The following ANKRD11 variants were observed in gnomAD, a reference collection of about 807,000 sequenced individuals.
The protein encoded by ANKRD11 is ankyrin repeat domain-containing protein 11.
A neutral mutation model predicts 195.7 loss-of-function variants in ANKRD11; 17 were observed. The observed-to-expected ratio is 0.09, with a 90% confidence interval of 0.06 to 0.13. The LOEUF (loss-of-function observed/expected upper bound fraction) is 0.13. Ranked by LOEUF, ANKRD11 falls within the 10% of genes least tolerant of loss-of-function variation. The pLI, the probability that ANKRD11 is intolerant of heterozygous loss-of-function variation, is 1.00. For synonymous variants in ANKRD11, 1,953 were observed against 1,528.1 expected, an observed-to-expected ratio of 1.28 and a Z score of -6.49; for missense variants, 3,735 against 3,566.1, an observed-to-expected ratio of 1.05 and a Z score of -1.21.
rs563502025 is a variant in ANKRD11, at chr16:89,372,109, G to C, written c.-60+46175C>G. Among the ~76,000 whole-genome samples, 3 of 152,338 alleles carry C rather than the reference G, an allele frequency of 2.0e-5. No individual in the cohort carries two copies. The East Asian group carries it at 5.8e-4, about 29-fold the overall frequency. On this transcript the variant is annotated intron_variant, in intron 2 of 12. Coordinates refer to ENST00000301030, the MANE Select transcript of ANKRD11 (RefSeq NM_013275.6). ...CAAGGACCACCACGGCGGGCACCCG[G>C]CCCTCGCATGCACACACGGGCAACT...
At chr16:89,453,199 A>G (rs2056273961) in intron 1 of ANKRD11, among the ~76,000 whole-genome samples, 2 of 152,156 alleles carry the variant, frequency 1.3e-5, no homozygotes, top group African/African-American at 4.8e-5. Flanking sequence ...CCTGCCCTTC[A>G]GGGATTAAGT....
intron 1 of ANKRD11, among the ~76,000 whole-genome samples, chr16:89,477,261 C>G (rs2057292502): frequency 6.6e-6 from 1 of 150,636 alleles, no homozygotes; most frequent in Non-Finnish European, 1.5e-5. Flanking sequence ...GGCGCCATCT[C>G]GGCTCACTGC....
At chr16:89,420,356 G>C (rs1204108162) in intron 1 of ANKRD11, 1 of 152,138 alleles carries the variant, frequency 6.6e-6, no homozygotes, top group Non-Finnish European at 1.5e-5. Context: ...GAGCAGCGTC[G>C]GTCTTCTAGA....
intron 1 of ANKRD11, among the ~76,000 whole-genome samples, chr16:89,480,291 A>G (rs538210265): frequency 6.6e-6 from 1 of 151,842 alleles, no homozygotes; most frequent in South Asian, 2.1e-4. Context: ...TCTGGCTAAC[A>G]TGGCGAAACC....
At chr16:89,325,779 A>G (rs78964135) in intron 2 of ANKRD11, among the ~76,000 whole-genome samples, 156 of 152,262 alleles carry the variant, frequency 1.0e-3, no homozygotes, top group African/African-American at 3.7e-3. Flanking sequence ...AGGCCACACT[A>G]TGTCCTTGCA....
intron 1 of ANKRD11, among the ~76,000 whole-genome samples, chr16:89,467,733 G>A (rs952480339): frequency 2.0e-5 from 3 of 152,120 alleles, no homozygotes; most frequent in African/African-American, 7.2e-5. Flanking sequence ...TCAAGATACC[G>A]TAAGACATAC....
intron 9 of ANKRD11, chr16:89,277,678 G>C (rs975342770): frequency 1.3e-5 from 2 of 152,306 alleles, no homozygotes; most frequent in Non-Finnish European, 2.9e-5. Flanking sequence ...GCGGGGAAGG[G>C]AAAGACCGCA....
chr16:89,411,362 G>T (rs1351330702), intron 2 of ANKRD11, among the ~76,000 whole-genome samples: 1 of 152,262 alleles, frequency 6.6e-6, no homozygotes, highest in Non-Finnish European at 1.5e-5. Flanking sequence ...AAGAGGAGCA[G>T]GCTGCCCTGG....
chr16:89,480,642 T>C (rs1488077890), intron 1 of ANKRD11, among the ~76,000 whole-genome samples: 1 of 152,154 alleles, frequency 6.6e-6, no homozygotes, highest in Non-Finnish European at 1.5e-5. Flanking sequence ...CTTCTTTCTA[T>C]ACTCCTTCTA....
rs760682389 is a variant in ANKRD11, at chr16:89,285,102, C to T, written c.1440G>A (p.Glu480=). Residue 480 remains glutamate, a synonymous_variant, in exon 9 of 13, where the codon GAG becomes GAA. Transcript: ENST00000301030. The surrounding 1 kb of genome is among the most constrained non-coding windows in gnomAD (Gnocchi z 5.6). ...GKRSDKFCSS[E]SESESSESGE... ...CACTCTCTGAGGACTCGCTCTCCGA[C>T]TCCGAGGAGCAGAACTTGTCGCTCC... 158 of 1,613,680 alleles carry T rather than the reference C, an allele frequency of 9.8e-5. 2 individuals are homozygous for T. The South Asian group carries it at 1.7e-3, about 17-fold the overall frequency.
At chr16:89,482,596 T>G (rs997850242) in intron 1 of ANKRD11, among the ~76,000 whole-genome samples, 1 of 152,178 alleles carries the variant, frequency 6.6e-6, no homozygotes, top group Non-Finnish European at 1.5e-5. Context: ...CTCGCAGTGC[T>G]CGGGTGGGCC....
At chr16:89,393,013 T>C (rs1158408062) in intron 2 of ANKRD11, among the ~76,000 whole-genome samples, 2 of 151,964 alleles carry the variant, frequency 1.3e-5, no homozygotes, top group East Asian at 3.9e-4. Context: ...TTTCTTCACA[T>C]TCTACTTCTT....
chr16:89,300,269 A>T, intron 4 of ANKRD11: 1 of 228,956 alleles, frequency 4.4e-6, no homozygotes, highest in Non-Finnish European at 8.9e-6. Flanking sequence ...GGTCTGCTAC[A>T]CGCTTGGTGA....
intron 1 of ANKRD11, among the ~76,000 whole-genome samples, chr16:89,453,596 C>T (rs752036124): frequency 6.6e-6 from 1 of 152,058 alleles, no homozygotes; most frequent in Non-Finnish European, 1.5e-5. Context: ...GTGTGGCTAA[C>T]AGAAAGGAGG....
Position 89,281,375 on chromosome 16 carries a change from T to C in ANKRD11, c.5167A>G (p.Arg1723Gly), listed in dbSNP as rs200482809. 6.2e-7 allele frequency: 1 copy of C among 1,609,752 alleles called. No individual in the cohort carries two copies. Among genetic ancestry groups the C allele is most frequent in the East Asian group, 2.2e-5 (1 of 44,774 alleles). Residue 1723 changes from arginine to glycine, a missense_variant, in exon 9 of 13, where the codon AGG (arginine) becomes GGG (glycine). Physicochemically the swap from Arg to Gly is moderately radical, Grantham distance 125. Coordinates refer to ENST00000301030, the MANE Select transcript of ANKRD11 (RefSeq NM_013275.6). This position sits in a 1 kb window ranked among gnomAD's most constrained non-coding sequence, Gnocchi z 5.5. ...TCATCGGCGCTGCAGGACGGGGTCC[T>C]GGGCGTGTGCATCACCTCCTCGTAG... ...PSYEEVMHTP[R>G]TPSCSADDYA...
intron 1 of ANKRD11, chr16:89,431,336 G>A (rs1201144507): frequency 6.5e-6 from 1 of 152,898 alleles, no homozygotes; most frequent in Non-Finnish European, 1.5e-5. Flanking sequence ...GCTGGAGAGA[G>A]AGCGAGCTGG....
At position 89,305,662 on chromosome 16, in the gene ANKRD11, CGCTA is replaced by C. The variant is rs1567615099; in HGVS notation, c.88-322_88-319del. On this transcript the variant is annotated intron_variant, in intron 3 of 12. Transcript: ENST00000301030. ...CGCTACCTCTCACTCCGCAGACACG[CGCTA>C]CCTCCCACTCCGCAGACACGCGCCA... Among the ~76,000 whole-genome samples the C allele has an allele frequency of 1.7e-4, 25 of 147,810 alleles. 2 individuals are homozygous for C. The highest frequency in any genetic ancestry group is 5.7e-4 in the African/African-American group (23 of 40,210).
At chr16:89,317,217 C>T (rs1450718262) in intron 2 of ANKRD11, 139 bp from the exon 3 acceptor site, 2 of 687,968 alleles carry the variant, frequency 2.9e-6, no homozygotes, top group East Asian at 5.4e-5. Context: ...GGGCCAGGCC[C>T]AGGAAGGGAC....
At chr16:89,353,748 G>A (rs1032929405) in intron 2 of ANKRD11, among the ~76,000 whole-genome samples, 1 of 152,172 alleles carries the variant, frequency 6.6e-6, no homozygotes, top group Non-Finnish European at 1.5e-5. Context: ...CCAAAGTGCT[G>A]GGATTACAGG....
Sources: gnomAD v4.1 joint callset for allele counts (sites outside exome capture counted in the v4.1 genomes callset) on GRCh38, gnomAD v4.1.1 for gene constraint, Gnocchi (gnomAD v3.1) non-coding constraint, MANE v1.5 for transcripts, NCBI Gene and HGNC (gene_info 2026-07-23, HGNC 2026-07-21) for gene names.